Variants in N4BP2L2 observed in about 807,000 individuals in gnomAD.
N4BP2L2 encodes NEDD4 binding protein 2 like 2.
N4BP2L2 carries 50 observed loss-of-function variants against 56.2 expected under a neutral mutation model. That is an observed-to-expected ratio of 0.89 (90% confidence interval 0.71 to 1.13). The LOEUF is 1.13. Ranked by LOEUF, N4BP2L2 falls within the 50% of genes most tolerant of loss-of-function variation. The pLI, the probability that N4BP2L2 is intolerant of heterozygous loss-of-function variation, is 0.00. For synonymous variants in N4BP2L2, 203 were observed against 223.6 expected, an observed-to-expected ratio of 0.91 and a Z score of 0.82; for missense variants, 689 against 693.8, an observed-to-expected ratio of 0.99 and a Z score of 0.08.
chr13:32,459,564 C>A (rs2079627799), intron 6 of N4BP2L2, among the ~76,000 whole-genome samples: 1 of 151,906 alleles, frequency 6.6e-6, no homozygotes, highest in Non-Finnish European at 1.5e-5. Context: ...ATACATCCTA[C>A]AATATTGAAT....
In N4BP2L2 at chr13:32,432,826, T is replaced by G. The variant is rs76800408; in HGVS notation, c.*168A>C. 7.9e-5 allele frequency: 12 copies of G among 152,324 alleles called. No individual in the cohort carries two copies. The East Asian group carries it at 2.3e-3, about 29-fold the overall frequency. 9.4% of individuals were successfully genotyped at this position (152,324 alleles called of 1,614,324 possible). The stretch of plus-strand genomic sequence containing the variant: ...GTTTTTTTATTATTCAGATAACTTA[T>G]CAAGAATGGTTGAACAGATTATCCA... On this transcript the variant is annotated 3_prime_UTR_variant, in exon 10 of 10. Coordinates refer to the N4BP2L2 transcript ENST00000357505.
intron 6 of N4BP2L2, among the ~76,000 whole-genome samples, chr13:32,492,272 A>ATTTTTTTTTT (rs1185615708): frequency 6.1e-4 from 47 of 77,084 alleles, no homozygotes; most frequent in African/African-American, 2.6e-3. Context: ...AAAACACCAA[A>ATTTTTTTTTT]ATTTTTTTTT....
chr13:32,451,276 A>G (rs920575121), intron 6 of N4BP2L2, among the ~76,000 whole-genome samples: 39 of 152,052 alleles, frequency 2.6e-4, no homozygotes, highest in African/African-American at 8.9e-4. Flanking sequence ...CGTATTTAAA[A>G]AAAGAAAAAA....
At chr13:32,520,057 T>C (rs1452833523) in intron 5 of N4BP2L2, among the ~76,000 whole-genome samples, 2 of 152,082 alleles carry the variant, frequency 1.3e-5, no homozygotes, top group Non-Finnish European at 2.9e-5. Flanking sequence ...TGTCTATCTA[T>C]ACATGACCAC....
exon 6 of N4BP2L2, chr13:32,511,948 T>C (rs1373269474): frequency 6.6e-6 from 1 of 152,156 alleles, no homozygotes; most frequent in African/African-American, 2.4e-5. Context: ...GAGTTCAGAA[T>C]TACTCTTCAG....
intron 6 of N4BP2L2, among the ~76,000 whole-genome samples, chr13:32,476,629 G>C (rs570620716): frequency 6.6e-6 from 1 of 152,106 alleles, no homozygotes; most frequent in Non-Finnish European, 1.5e-5. Context: ...CAAAAATACT[G>C]ATACAAATAA....
chr13:32,538,079 G>GA (rs1050569853), intron 1 of N4BP2L2, among the ~76,000 whole-genome samples: 2 of 135,972 alleles, frequency 1.5e-5, no homozygotes, highest in African/African-American at 2.7e-5. Context: ...TTGGGGGGGG[G>GA]GGGCGGTTAC....
At chr13:32,505,819 C>T (rs1297668261), downstream of N4BP2L2, 1 of 151,688 alleles carries the variant, frequency 6.6e-6, no homozygotes, top group East Asian at 1.9e-4. Context: ...GAAGCTTTCT[C>T]AACAGCTCTC....
chr13:32,532,382 TTTG>T (rs985812901), intron 2 of N4BP2L2, among the ~76,000 whole-genome samples: 5 of 152,156 alleles, frequency 3.3e-5, no homozygotes, highest in Non-Finnish European at 7.4e-5. Flanking sequence ...CCTTGCTGGT[TTTG>T]TTTTTACTCT....
At chr13:32,453,327 C>A (rs1332558076) in intron 6 of N4BP2L2, among the ~76,000 whole-genome samples, 1 of 152,070 alleles carries the variant, frequency 6.6e-6, no homozygotes, top group African/African-American at 2.4e-5. Flanking sequence ...AAAGCTCATC[C>A]CTTCACAACA....
intron 6 of N4BP2L2, among the ~76,000 whole-genome samples, chr13:32,454,990 G>A (rs183431653): frequency 6.0e-4 from 92 of 152,260 alleles, no homozygotes; most frequent in African/African-American, 1.5e-3. Flanking sequence ...AAAACCCCTC[G>A]ACCCTTGTAA....
At chr13:32,479,908 G>A (rs1448131267) in intron 6 of N4BP2L2, among the ~76,000 whole-genome samples, 3 of 151,596 alleles carry the variant, frequency 2.0e-5, no homozygotes, top group Non-Finnish European at 2.9e-5. Flanking sequence ...CAGAGACACA[G>A]AGTGAGAGAG....
intron 6 of N4BP2L2, among the ~76,000 whole-genome samples, chr13:32,491,406 C>A (rs978145233): frequency 2.0e-5 from 3 of 151,606 alleles, no homozygotes; most frequent in Non-Finnish European, 4.4e-5. Flanking sequence ...TAGAAAAATT[C>A]TAGTAATTTG....
chr13:32,514,034 T>C lies in N4BP2L2; in HGVS notation c.*3768A>G, dbSNP rs555762409. The C allele has an allele frequency of 7.9e-5, 12 of 152,284 alleles. No homozygotes were observed. The East Asian group carries it at 1.7e-3, about 22-fold the overall frequency. The allele number at this position is 152,284 out of a possible 1,614,324, so 9.4% of individuals were successfully genotyped here. A position where few individuals can be genotyped will look rare whatever the true frequency, so the allele number is the denominator to read the frequency against. The stretch of plus-strand genomic sequence containing the variant: ...CCTCTTAAATCATACTTTCAAAACT[T>C]ATCTATACGTAAAACTGGAAAATTC... On this transcript the variant is annotated 3_prime_UTR_variant, in exon 6 of 6. Coordinates refer to ENST00000267068, the Ensembl canonical transcript of N4BP2L2.
chr13:32,520,625 C>T (rs1193737026), intron 5 of N4BP2L2, among the ~76,000 whole-genome samples: 5 of 149,846 alleles, frequency 3.3e-5, no homozygotes, highest in Non-Finnish European at 7.4e-5. Flanking sequence ...CACCACTGCA[C>T]TCCAGCCTGG....
chr13:32,459,486 CTG>C (rs143234973), intron 6 of N4BP2L2, among the ~76,000 whole-genome samples: 6,925 of 152,006 alleles, frequency 0.046, 509 homozygotes, highest in African/African-American at 0.16. Context: ...TCATCATAGA[CTG>C]TTATGAAAAA....
chr13:32,456,634 G>A (rs1481310245), intron 6 of N4BP2L2, among the ~76,000 whole-genome samples: 2 of 152,030 alleles, frequency 1.3e-5, no homozygotes, highest in African/African-American at 4.8e-5. Context: ...AAGGAAATCA[G>A]AAAAACAATT....
At chr13:32,446,218 C>A in intron 6 of N4BP2L2, 1 of 468,256 alleles carries the variant, frequency 2.1e-6, no homozygotes, top group Non-Finnish European at 3.6e-6. Flanking sequence ...CCCTTGTTTA[C>A]ACATTTCTAG....
intron 6 of N4BP2L2, among the ~76,000 whole-genome samples, chr13:32,470,060 TG>T (rs1453630495): frequency 6.6e-6 from 1 of 152,192 alleles, no homozygotes; most frequent in Admixed American, 6.5e-5. Context: ...AAGTGAGACC[TG>T]TATCTTTGCA....
Sources: gnomAD v4.1 joint callset for allele counts (sites outside exome capture counted in the v4.1 genomes callset) on GRCh38, gnomAD v4.1.1 for gene constraint, MANE v1.5 for transcripts, NCBI Gene and HGNC (gene_info 2026-07-23, HGNC 2026-07-21) for gene names.